The following MECOM variants were observed in gnomAD, a reference collection of about 807,000 sequenced individuals.
The protein encoded by MECOM is histone-lysine N-methyltransferase MECOM.
In MECOM, 13 loss-of-function variants were observed where a neutral mutation model predicts 116.3. The ratio of observed to expected loss-of-function variants is 0.11; its 90% confidence interval spans 0.07 to 0.18. MECOM has a LOEUF of 0.18. Ranked by LOEUF, MECOM falls within the 10% of genes least tolerant of loss-of-function variation. The probability of loss-of-function intolerance (pLI) is 1.00; values close to 1 mark genes in which losing one functional copy is unlikely to be tolerated. For missense variants in MECOM, 1,299 were observed against 1,509.0 expected, an observed-to-expected ratio of 0.86 and a Z score of 2.31; for synonymous variants, 528 against 535.2, an observed-to-expected ratio of 0.99 and a Z score of 0.19.
intron 2 of MECOM, among the ~76,000 whole-genome samples, chr3:169,183,103 C>T (rs559297278): frequency 8.5e-5 from 13 of 152,268 alleles, no homozygotes; most frequent in Admixed American, 2.0e-4. Context: ...CTCATTATCT[C>T]TCATGAGGTA....
chr3:169,087,852 T>C (rs1212388813), intron 16 of MECOM, among the ~76,000 whole-genome samples: 1 of 152,198 alleles, frequency 6.6e-6, no homozygotes, highest in Non-Finnish European at 1.5e-5. Flanking sequence ...ACCTATAGTC[T>C]TTAAGTGATG....
chr3:169,502,176 G>A (rs1754623475), intron 1 of MECOM, among the ~76,000 whole-genome samples: 1 of 152,088 alleles, frequency 6.6e-6, no homozygotes, highest in Admixed American at 6.6e-5. Context: ...ACAGAACATA[G>A]ACAAGAAACT....
chr3:169,344,434 C>A (rs1326651797), intron 2 of MECOM, among the ~76,000 whole-genome samples: 1 of 151,962 alleles, frequency 6.6e-6, no homozygotes, highest in Non-Finnish European at 1.5e-5. Flanking sequence ...TCAAGCGGGA[C>A]AAATAAGAAG....
chr3:169,559,393 A>G (rs1762400618), intron 1 of MECOM, among the ~76,000 whole-genome samples: 1 of 152,162 alleles, frequency 6.6e-6, no homozygotes, highest in Non-Finnish European at 1.5e-5. Flanking sequence ...TTTACAAATT[A>G]TATAGGTATT....
At chr3:169,446,652 C>A (rs547673881) in intron 1 of MECOM, among the ~76,000 whole-genome samples, 1 of 152,260 alleles carries the variant, frequency 6.6e-6, no homozygotes, top group South Asian at 2.1e-4. Context: ...GTGTGTTGTG[C>A]GTTATCTTTA....
intron 2 of MECOM, among the ~76,000 whole-genome samples, chr3:169,363,798 A>C (rs540550924): frequency 2.4e-4 from 36 of 151,768 alleles, no homozygotes; most frequent in Non-Finnish European, 4.9e-4. Flanking sequence ...AGCATCCCGG[A>C]TCTCATTATT....
At chr3:169,119,116 G>A (rs182809509) in intron 7 of MECOM, among the ~76,000 whole-genome samples, 1 of 152,352 alleles carries the variant, frequency 6.6e-6, no homozygotes, top group Admixed American at 6.5e-5. Flanking sequence ...AAGGCAGTGA[G>A]TAATTACCTT....
intron 3 of MECOM, among the ~76,000 whole-genome samples, chr3:169,140,720 A>T (rs980852515): frequency 1.0e-5 from 1 of 100,044 alleles, no homozygotes; most frequent in Non-Finnish European, 2.2e-5. Context: ...ACTCACAGAA[A>T]TCTACTGGAA....
intron 1 of MECOM, among the ~76,000 whole-genome samples, chr3:169,580,791 T>C (rs1006968625): frequency 6.6e-6 from 1 of 152,224 alleles, no homozygotes; most frequent in Non-Finnish European, 1.5e-5. Flanking sequence ...GAAATCAATA[T>C]AGAGTCATCA....
intron 1 of MECOM, among the ~76,000 whole-genome samples, chr3:169,609,283 C>CT (rs1040789578): frequency 1.7e-4 from 26 of 151,574 alleles, no homozygotes; most frequent in Admixed American, 5.3e-4. Context: ...CTTGAGGGGC[C>CT]TTTTTTTTGC....
chr3:169,488,916 CAG>C (rs1427606895), intron 1 of MECOM, among the ~76,000 whole-genome samples: 3 of 150,706 alleles, frequency 2.0e-5, no homozygotes, highest in Non-Finnish European at 4.4e-5. Flanking sequence ...AAAGGATGAA[CAG>C]AATTAAAAAA....
intron 1 of MECOM, among the ~76,000 whole-genome samples, chr3:169,538,381 T>C (rs1759648409): frequency 6.6e-6 from 1 of 152,156 alleles, no homozygotes; most frequent in South Asian, 2.1e-4. Flanking sequence ...CATTGGATAA[T>C]CCCTTAAAAT....
At chr3:169,284,180 G>A (rs3851384) in intron 2 of MECOM, among the ~76,000 whole-genome samples, 10,223 of 152,230 alleles carry the variant, frequency 0.067, 542 homozygotes, top group East Asian at 0.22. Flanking sequence ...AGAACCATGC[G>A]ATAAGGGAAA....
intron 1 of MECOM, among the ~76,000 whole-genome samples, chr3:169,599,511 CAAAAA>C (rs535539075): frequency 2.1e-5 from 2 of 94,558 alleles, no homozygotes; most frequent in Non-Finnish European, 4.6e-5. Context: ...GACTCTGTCT[CAAAAA>C]AAAAAAAAAA....
chr3:169,427,884 T>C (rs1467973804), intron 1 of MECOM, among the ~76,000 whole-genome samples: 1 of 152,238 alleles, frequency 6.6e-6, no homozygotes, highest in Non-Finnish European at 1.5e-5. Context: ...TAACCTCTAA[T>C]ACCTCAGAAT....
chr3:169,279,316 G>A (rs964122955), intron 2 of MECOM, among the ~76,000 whole-genome samples: 1 of 152,098 alleles, frequency 6.6e-6, no homozygotes, highest in Admixed American at 6.6e-5. Context: ...TCACTGTCTG[G>A]AACATTGGAA....
intron 2 of MECOM, among the ~76,000 whole-genome samples, chr3:169,306,010 C>T (rs1247607578): frequency 4.6e-5 from 7 of 152,040 alleles, no homozygotes; most frequent in Non-Finnish European, 1.0e-4. Context: ...TAAAGATTTT[C>T]CTTTTATAAG....
chr3:169,288,194 G>A (rs1223021034), intron 2 of MECOM, among the ~76,000 whole-genome samples: 1 of 151,434 alleles, frequency 6.6e-6, no homozygotes, highest in African/African-American at 2.4e-5. Context: ...CACTTGGGGG[G>A]TAGGGGGAGA....
intron 2 of MECOM, among the ~76,000 whole-genome samples, chr3:169,149,935 C>CTG (rs58944452): frequency 0.011 from 1,509 of 131,232 alleles, 13 homozygotes; most frequent in East Asian, 0.023. Flanking sequence ...TTCTCTCTCT[C>CTG]TGTGTGTGTG....
Sources: gnomAD v4.1 joint callset for allele counts (sites outside exome capture counted in the v4.1 genomes callset) on GRCh38, gnomAD v4.1.1 for gene constraint, MANE v1.5 for transcripts, NCBI Gene and HGNC (gene_info 2026-07-23, HGNC 2026-07-21) for gene names.